Variants in ARL8B observed in about 807,000 individuals in gnomAD.
The protein encoded by ARL8B is ADP-ribosylation factor-like protein 8B.
In ARL8B, 9 loss-of-function variants were observed where a neutral mutation model predicts 30.6. The observed-to-expected ratio is 0.29, with a 90% CI of 0.18 to 0.51. The LOEUF (loss-of-function observed/expected upper bound fraction) is 0.51, where lower values mean the gene tolerates loss of function less well. Ranked by LOEUF, ARL8B falls within the 20% of genes least tolerant of loss-of-function variation. ARL8B has a pLI of 0.97. For synonymous variants in ARL8B, 74 were observed against 76.0 expected, an observed-to-expected ratio of 0.97 and a Z score of 0.14; for missense variants, 130 against 227.2, an observed-to-expected ratio of 0.57 and a Z score of 2.75.
Position 5,164,973 on chromosome 3 carries a change from T to C in ARL8B, c.124-5530T>C, listed in dbSNP as rs138620799. 2.8e-4 allele frequency among the ~76,000 whole-genome samples: 43 copies of C among 152,338 alleles called. No individual in the cohort carries two copies. In the East Asian group the frequency reaches 6.6e-3, roughly 23 times the overall value. The stretch of plus-strand genomic sequence containing the variant: ...GGTTTGTCTGATGATTAGATTCTGT[T>C]ATATATTCTCAGCTGGAATACTACA... On this transcript the variant is annotated intron_variant, in intron 1 of 6. Coordinates refer to ENST00000256496, the MANE Select transcript of ARL8B (RefSeq NM_018184.3).
intron 1 of ARL8B, among the ~76,000 whole-genome samples, chr3:5,132,535 G>A (rs1223380289): frequency 1.3e-5 from 2 of 152,018 alleles, no homozygotes; most frequent in African/African-American, 4.8e-5. Context: ...CACTGCGCCC[G>A]GCTCCTCTCA....
chr3:5,130,150 C>T (rs1335922501), intron 1 of ARL8B, among the ~76,000 whole-genome samples: 1 of 152,004 alleles, frequency 6.6e-6, no homozygotes, highest in African/African-American at 2.4e-5. Flanking sequence ...AGGCGTGAGC[C>T]ACTGCACCTG....
Position 5,177,301 on chromosome 3 carries a change from C to A in ARL8B, c.512-1363C>A, listed in dbSNP as rs561259585. Among the ~76,000 whole-genome samples, 5 of 152,256 alleles carry A rather than the reference C, an allele frequency of 3.3e-5. 1 individual carries two copies. In the South Asian group the frequency reaches 1.0e-3, roughly 32 times the overall value. ...GGAATCTGATCCAGTCTAATAAGAT[C>A]CACTCTAATAAAATTCGAAATAAGT... On this transcript the variant is annotated intron_variant, in intron 6 of 6. Coordinates refer to ENST00000256496, the MANE Select transcript of ARL8B (RefSeq NM_018184.3).
At chr3:5,122,984 C>G (rs1425347910) in intron 1 of ARL8B, among the ~76,000 whole-genome samples, 1 of 152,172 alleles carries the variant, frequency 6.6e-6, no homozygotes, top group Admixed American at 6.6e-5. Context: ...TGGGATTTGG[C>G]AAATCCGTCA....
intron 1 of ARL8B, among the ~76,000 whole-genome samples, chr3:5,132,646 A>C (rs867870942): frequency 1.3e-5 from 2 of 152,150 alleles, no homozygotes; most frequent in Non-Finnish European, 2.9e-5. Flanking sequence ...GCTGTACCCC[A>C]TTGCTAAGAA....
At chr3:5,164,152 G>T (rs1320047158) in intron 1 of ARL8B, among the ~76,000 whole-genome samples, 1 of 152,112 alleles carries the variant, frequency 6.6e-6, no homozygotes, top group Non-Finnish European at 1.5e-5. Context: ...ATCTGCATTT[G>T]TTTGGAAAAA....
intron 1 of ARL8B, among the ~76,000 whole-genome samples, chr3:5,154,674 G>A (rs1374710715): frequency 1.3e-5 from 2 of 152,102 alleles, no homozygotes; most frequent in Admixed American, 1.3e-4. Flanking sequence ...CCATTAAACA[G>A]TAACTCCTCA....
Position 5,143,157 on chromosome 3 carries a change from G to T in ARL8B, c.123+20569G>T, listed in dbSNP as rs188853823. Among the ~76,000 whole-genome samples the T allele has an allele frequency of 9.2e-5, 14 of 152,312 alleles. No homozygotes were observed. In the East Asian group the frequency reaches 2.7e-3, roughly 29 times the overall value. On this transcript the variant is annotated intron_variant, in intron 1 of 6. Transcript: ENST00000256496. ...TGGCAGGCATCGAATCTTATAGTCT[G>T]GGGTGCTACCATCTTGGTTACATAG...
At chr3:5,126,033 A>C (rs2054227457) in intron 1 of ARL8B, among the ~76,000 whole-genome samples, 1 of 152,140 alleles carries the variant, frequency 6.6e-6, no homozygotes, top group Non-Finnish European at 1.5e-5. Flanking sequence ...AGTAATATTA[A>C]TTTAAAAAAG....
intron 1 of ARL8B, among the ~76,000 whole-genome samples, chr3:5,150,531 C>A (rs1375649698): frequency 6.6e-6 from 1 of 151,522 alleles, no homozygotes; most frequent in East Asian, 1.9e-4. Flanking sequence ...ATCTGTAATC[C>A]CAGCACTTTG....
chr3:5,162,403 T>A (rs1304917696), intron 1 of ARL8B, among the ~76,000 whole-genome samples: 2 of 152,210 alleles, frequency 1.3e-5, no homozygotes, highest in African/African-American at 4.8e-5. Context: ...TGGCTAGTGT[T>A]TTTGGAAGAG....
At chr3:5,136,260 T>C (rs969049953) in intron 1 of ARL8B, among the ~76,000 whole-genome samples, 1 of 152,232 alleles carries the variant, frequency 6.6e-6, no homozygotes, top group African/African-American at 2.4e-5. Context: ...ATTATTCTTT[T>C]GGCCCTCTTG....
chr3:5,178,637 G>C (rs1437291260), intron 6 of ARL8B, 27 bp from the exon 7 acceptor site: 1 of 1,587,422 alleles, frequency 6.3e-7, no homozygotes, highest in Admixed American at 1.8e-5. Flanking sequence ...TAACTTTAAT[G>C]TCTTCACTTT....
chr3:5,157,913 GTTCTAGTTCCCTTCT>G (rs1265112104), intron 1 of ARL8B: 2 of 152,056 alleles, frequency 1.3e-5, no homozygotes, highest in African/African-American at 4.8e-5. Flanking sequence ...TGTGCTTCAA[GTTCTAGTTCCCTTCT>G]CAAATCTATC....
chr3:5,138,839 A>C (rs772700626), intron 1 of ARL8B, among the ~76,000 whole-genome samples: 23 of 152,214 alleles, frequency 1.5e-4, no homozygotes, highest in Non-Finnish European at 2.6e-4. Flanking sequence ...CAATGTCGAA[A>C]GCACTGACTG....
chr3:5,157,304 C>G (rs1447541483), intron 1 of ARL8B, among the ~76,000 whole-genome samples: 1 of 152,184 alleles, frequency 6.6e-6, no homozygotes, highest in African/African-American at 2.4e-5. Context: ...GGAGTTCATA[C>G]ACAACTTTAT....
intron 1 of ARL8B, among the ~76,000 whole-genome samples, chr3:5,142,143 G>T (rs2054379875): frequency 6.6e-6 from 1 of 152,190 alleles, no homozygotes; most frequent in Non-Finnish European, 1.5e-5. Context: ...GGTCCAGTTG[G>T]ATGGTAACAA....
intron 2 of ARL8B, among the ~76,000 whole-genome samples, chr3:5,171,674 C>T (rs180692809): frequency 1.3e-5 from 2 of 152,250 alleles, no homozygotes; most frequent in East Asian, 3.9e-4. Flanking sequence ...AGAAAAACAC[C>T]TATGTGGAAA....
intron 1 of ARL8B, among the ~76,000 whole-genome samples, chr3:5,141,514 A>C (rs73099896): frequency 0.17 from 25,507 of 152,102 alleles, 2,696 homozygotes; most frequent in African/African-American, 0.28. Flanking sequence ...ACTACATCCC[A>C]CTGCTAAGAC....
Sources: gnomAD v4.1 joint callset for allele counts (sites outside exome capture counted in the v4.1 genomes callset) on GRCh38, gnomAD v4.1.1 for gene constraint, MANE v1.5 for transcripts, NCBI Gene and HGNC (gene_info 2026-07-23, HGNC 2026-07-21) for gene names.